The following RCOR1 variants were observed in gnomAD, a reference collection of about 807,000 sequenced individuals.
The protein encoded by RCOR1 is REST corepressor.
In RCOR1, 12 loss-of-function variants were observed where a neutral mutation model predicts 64.0. The observed-to-expected ratio is 0.19, with a 90% CI of 0.12 to 0.30. The LOEUF (loss-of-function observed/expected upper bound fraction) is 0.30, where lower values mean the gene tolerates loss of function less well. RCOR1 is among the 10% of genes least tolerant of loss of function. RCOR1 has a pLI of 1.00. For missense variants in RCOR1, 502 were observed against 621.2 expected, an observed-to-expected ratio of 0.81 and a Z score of 2.04; for synonymous variants, 279 against 227.2, an observed-to-expected ratio of 1.23 and a Z score of -2.05.
At chr14:102,686,269 A>G (rs1389716590) in intron 3 of RCOR1, among the ~76,000 whole-genome samples, 1 of 152,186 alleles carries the variant, frequency 6.6e-6, no homozygotes, top group African/African-American at 2.4e-5. Flanking sequence ...TTTCTTGTTT[A>G]AAATAGATTT....
At chr14:102,715,440 G>A (rs542812527) in intron 8 of RCOR1, among the ~76,000 whole-genome samples, 8 of 152,058 alleles carry the variant, frequency 5.3e-5, no homozygotes, top group African/African-American at 9.7e-5. Context: ...GGAGTGCAGC[G>A]GTGCGATCTT....
At chr14:102,601,586 T>G (rs1242145605) in intron 2 of RCOR1, among the ~76,000 whole-genome samples, 1 of 152,138 alleles carries the variant, frequency 6.6e-6, no homozygotes, top group Non-Finnish European at 1.5e-5. Flanking sequence ...GGAATGATGA[T>G]TAATGATTGA....
chr14:102,605,820 T>C (rs896291128), intron 2 of RCOR1, among the ~76,000 whole-genome samples: 8 of 152,190 alleles, frequency 5.3e-5, no homozygotes, highest in African/African-American at 7.2e-5. Flanking sequence ...ATGGGTCTTA[T>C]TGCCTCTGAA....
intron 2 of RCOR1, among the ~76,000 whole-genome samples, chr14:102,659,808 C>A (rs564088891): frequency 2.0e-5 from 3 of 152,170 alleles, no homozygotes; most frequent in African/African-American, 7.2e-5. Context: ...TTGGTAAGGA[C>A]GTTATTGCAA....
chr14:102,593,705 C>G (rs538022223), intron 2 of RCOR1, among the ~76,000 whole-genome samples: 1 of 152,256 alleles, frequency 6.6e-6, no homozygotes. Flanking sequence ...TGCGAGCGCC[C>G]CGGACTTAGG....
rs916709939 is a variant in RCOR1 at position 102,726,375 on chromosome 14, G to T, written c.1420-93G>T. 8 of 1,163,366 alleles carry T rather than the reference G, an allele frequency of 6.9e-6. No homozygotes were observed. The African/African-American group carries it at 7.9e-5, about 11-fold the overall frequency. The allele number at this position is 1,163,366 out of a possible 1,614,324, so 72.1% of individuals were successfully genotyped here. A position where few individuals can be genotyped will look rare whatever the true frequency, so the allele number is the denominator to read the frequency against. On this transcript the variant is annotated intron_variant, in intron 11 of 11. Coordinates refer to ENST00000262241, the MANE Select transcript of RCOR1 (RefSeq NM_015156.4). ...CGGTGTTTGCTCTGCAGGTTTGCTG[G>T]CTACCTTCTCTTTTCAGTACACTGG...
At chr14:102,647,438 T>C (rs1894499462) in intron 2 of RCOR1, among the ~76,000 whole-genome samples, 1 of 152,122 alleles carries the variant, frequency 6.6e-6, no homozygotes, top group African/African-American at 2.4e-5. Context: ...TGCCTCAGCC[T>C]CCCAAGTAGC....
intron 3 of RCOR1, among the ~76,000 whole-genome samples, chr14:102,688,185 T>TG (rs1428521070): frequency 2.6e-5 from 4 of 152,122 alleles, no homozygotes; most frequent in Non-Finnish European, 5.9e-5. Flanking sequence ...AGGCTGGTCT[T>TG]GAACTCCTGA....
At chr14:102,639,009 T>G (rs1260697221) in intron 2 of RCOR1, among the ~76,000 whole-genome samples, 1 of 152,156 alleles carries the variant, frequency 6.6e-6, no homozygotes, top group Non-Finnish European at 1.5e-5. Context: ...TCTTGGGATT[T>G]TTTTCCTAAT....
chr14:102,673,673 T>G (rs1895079839), intron 2 of RCOR1, among the ~76,000 whole-genome samples: 1 of 151,226 alleles, frequency 6.6e-6, no homozygotes, highest in Non-Finnish European at 1.5e-5. Context: ...TAGAGTGCAA[T>G]GGCACGATCT....
chr14:102,620,939 A>G (rs939643879), intron 2 of RCOR1, among the ~76,000 whole-genome samples: 4 of 152,148 alleles, frequency 2.6e-5, no homozygotes, highest in African/African-American at 9.7e-5. Flanking sequence ...TGACTTAAAA[A>G]CAATCTAAAC....
chr14:102,651,756 A>G (rs1397533569), intron 2 of RCOR1, among the ~76,000 whole-genome samples: 5 of 152,112 alleles, frequency 3.3e-5, no homozygotes, highest in Non-Finnish European at 5.9e-5. Flanking sequence ...CCCAGGCTAG[A>G]GTACAGTGGC....
rs746458936 is a variant in RCOR1 at position 102,710,947 on chromosome 14, G to A, written c.792G>A (p.Leu264=). The change falls in exon 7 of 12, where the codon CTG becomes CTA. Residue 264 remains leucine (L), a synonymous_variant. Coordinates refer to ENST00000262241, the MANE Select transcript of RCOR1 (RefSeq NM_015156.4). Reference sequence around the variant, plus strand: ...TCTTGTCTTCCAGCGAGGATGAACTGGAAGAGGCAAATGGAAACAATCCCA... The same window carrying A: ...TCTTGTCTTCCAGCGAGGATGAACTAGAAGAGGCAAATGGAAACAATCCCA... The part of the protein sequence containing the change: ...KREREESEDE[L]EEANGNNPID... 2.5e-6 allele frequency: 4 copies of A among 1,604,286 alleles called. No homozygotes were observed. In the East Asian group the frequency reaches 6.8e-5, roughly 27 times the overall value.
At chr14:102,692,710 C>CTGCT in intron 3 of RCOR1, among the ~76,000 whole-genome samples, 1 of 118,708 alleles carries the variant, frequency 8.4e-6, no homozygotes, top group East Asian at 2.5e-4. Context: ...AACTACATCT[C>CTGCT]TCCTTCCTTC....
intron 11 of RCOR1, among the ~76,000 whole-genome samples, chr14:102,724,025 A>G (rs11628569): frequency 0.25 from 37,494 of 151,850 alleles, 5,825 homozygotes; most frequent in East Asian, 0.55. Context: ...AAGTGAGTCA[A>G]GTATTTTTTT....
At chr14:102,599,501 T>C (rs1268935990) in intron 2 of RCOR1, among the ~76,000 whole-genome samples, 2 of 152,190 alleles carry the variant, frequency 1.3e-5, no homozygotes, top group African/African-American at 4.8e-5. Flanking sequence ...GAGGCGTACA[T>C]TGTTAATGAT....
intron 8 of RCOR1, among the ~76,000 whole-genome samples, chr14:102,717,994 G>A (rs149557717): frequency 0.011 from 1,734 of 152,152 alleles, 12 homozygotes; most frequent in Non-Finnish European, 0.017. Context: ...TCTGGAGGCC[G>A]CCATGTTTGG....
At chr14:102,709,996 G>A (rs1467920110) in intron 6 of RCOR1, among the ~76,000 whole-genome samples, 4 of 152,188 alleles carry the variant, frequency 2.6e-5, no homozygotes, top group Non-Finnish European at 2.9e-5. Flanking sequence ...TTTGGGATGC[G>A]GGGATGGAGG....
chr14:102,649,831 C>T (rs1894548377), intron 2 of RCOR1: 2 of 963,462 alleles, frequency 2.1e-6, no homozygotes, highest in Non-Finnish European at 2.5e-6. Context: ...TAGGAATGAT[C>T]CTCAAGAAAA....
Sources: gnomAD v4.1 joint callset for allele counts (sites outside exome capture counted in the v4.1 genomes callset) on GRCh38, gnomAD v4.1.1 for gene constraint, MANE v1.5 for transcripts, NCBI Gene and HGNC (gene_info 2026-07-23, HGNC 2026-07-21) for gene names.